NGLY1: variants seen among roughly 807,000 people sequenced by gnomAD.
The protein encoded by NGLY1 is N-glycanase 1, also known as peptide-N(4)-(N-acetyl-beta-glucosaminyl)asparagine amidase.
Under a neutral mutation model 84.6 loss-of-function variants are expected in NGLY1, and 68 were observed. That is an observed-to-expected ratio of 0.80 (90% CI 0.66 to 0.98). NGLY1 has a LOEUF of 0.98. NGLY1 is among the 50% of genes least tolerant of loss of function. The pLI, the probability that NGLY1 is intolerant of heterozygous loss-of-function variation, is 0.00. For synonymous variants in NGLY1, 280 were observed against 275.2 expected, an observed-to-expected ratio of 1.02 and a Z score of -0.17; for missense variants, 779 against 770.2, an observed-to-expected ratio of 1.01 and a Z score of -0.14.
chr3:25,781,874 G>C (rs1354567472), intron 1 of NGLY1, among the ~76,000 whole-genome samples: 1 of 152,210 alleles, frequency 6.6e-6, no homozygotes, highest in African/African-American at 2.4e-5. Context: ...TTTCTGACTA[G>C]TGGGGTTTTA....
At chr3:25,755,182 C>G in intron 3 of NGLY1, 1 of 1,289,068 alleles carries the variant, frequency 7.8e-7, no homozygotes, top group Non-Finnish European at 1.1e-6. Flanking sequence ...CCTCTCTTCC[C>G]CCAAGAGGTT....
chr3:25,778,444 A>C (rs577262327), intron 2 of NGLY1, 130 bp downstream of exon 2: 1 of 489,906 alleles, frequency 2.0e-6, no homozygotes, highest in South Asian at 4.6e-5. Flanking sequence ...TCAATGAAGA[A>C]ATAACTACTT....
chr3:25,758,940 T>C (rs1707173721), intron 3 of NGLY1, among the ~76,000 whole-genome samples: 3 of 152,212 alleles, frequency 2.0e-5, no homozygotes, highest in Non-Finnish European at 4.4e-5. Flanking sequence ...GTTAAAAATG[T>C]AGATTCTAAA....
chr3:25,764,282 T>C lies in NGLY1; in HGVS notation c.276A>G (p.Lys92=). 1 of 1,613,958 alleles carries C rather than the reference T, an allele frequency of 6.2e-7. No homozygotes were observed. The highest frequency in any genetic ancestry group is 8.5e-7 in the Non-Finnish European group (1 of 1,179,944). The change falls in exon 3 of 12, where the codon AAA becomes AAG. Residue 92 remains lysine, a synonymous_variant. Coordinates refer to ENST00000280700, the MANE Select transcript of NGLY1 (RefSeq NM_018297.4). ...TTTTTTGCAGCTGCTCCACTGAAGC[T>C]TTTTTAGGAAAGATGAGATGTGTTT... ...EGETHLIFPK[K]ASVEQLQKIR...
intron 4 of NGLY1, among the ~76,000 whole-genome samples, chr3:25,748,543 C>G (rs1706561205): frequency 6.6e-6 from 1 of 152,170 alleles, no homozygotes; most frequent in Admixed American, 6.5e-5. Context: ...CCAGCTTTTA[C>G]ATGTATTTTT....
At position 25,729,184 on chromosome 3, in the gene NGLY1, G is replaced by A. The variant is rs138477428; in HGVS notation, c.1560C>T (p.Gly520=). The A allele has an allele frequency of 6.4e-4, 995 of 1,548,830 alleles. No homozygotes were observed. Among genetic ancestry groups the A allele is most frequent in the Non-Finnish European group, 8.2e-4 (935 of 1,143,422 alleles). The change falls in exon 10 of 12, where the codon GGC becomes GGT. Residue 520 remains glycine (G), a synonymous_variant. Coordinates refer to ENST00000280700, the MANE Select transcript of NGLY1 (RefSeq NM_018297.4). ...NNQTISGWEN[G]VWKMESIFRK... ...TGAATATAGATTCCATTTTCCACAC[G>A]CCATTCTCCCATCCAGAAATGGTTT...
intron 4 of NGLY1, chr3:25,749,999 AG>A (rs1480055582): frequency 1.8e-6 from 1 of 554,228 alleles, no homozygotes; most frequent in Non-Finnish European, 3.2e-6. Flanking sequence ...TAGATGTACC[AG>A]TTTGTTCTTA....
chr3:25,776,876 C>T (rs2932012), intron 2 of NGLY1, among the ~76,000 whole-genome samples: 103,563 of 152,040 alleles, frequency 0.68, 39,774 homozygotes, highest in East Asian at 0.94. Context: ...TACCTAACAT[C>T]TGTAATGCAC....
At chr3:25,743,640 T>C (rs1223270726) in intron 4 of NGLY1, among the ~76,000 whole-genome samples, 1 of 152,122 alleles carries the variant, frequency 6.6e-6, no homozygotes, top group Non-Finnish European at 1.5e-5. Context: ...CCCCAACACT[T>C]AGTGTTCTGC....
chr3:25,759,929 C>A (rs1363399153), intron 3 of NGLY1, among the ~76,000 whole-genome samples: 9 of 151,460 alleles, frequency 5.9e-5, no homozygotes, highest in African/African-American at 1.2e-4. Flanking sequence ...CACACACACA[C>A]ACACACACAC....
At chr3:25,764,018 T>C (rs1470847984) in intron 3 of NGLY1, 48 bp downstream of exon 3, 2 of 1,601,586 alleles carry the variant, frequency 1.2e-6, no homozygotes. Context: ...TTTTGCTGTT[T>C]CAACACTTTG....
rs2125442877 is a variant in NGLY1, at chr3:25,720,067, C to G, written c.1736G>C (p.Gly579Ala). The change falls in exon 11 of 12, where the codon GGA becomes GCA. Residue 579 changes from glycine (G) to alanine (A), a missense_variant. Physicochemically the swap from Gly to Ala is moderately conservative, Grantham distance 60. Coordinates refer to ENST00000280700, the MANE Select transcript of NGLY1 (RefSeq NM_018297.4). ...AGATCGCAATTTCCATTCTACTGTT[C>G]CAGTCTGAAAAGTTTGACTACTTGT... ...IRTSSQTFQTGTVEWKLRSDT... is the reference protein window; with the variant it reads ...IRTSSQTFQTATVEWKLRSDT... 6.2e-7 allele frequency: 1 copy of G among 1,613,800 alleles called. No individual in the cohort carries two copies. Among genetic ancestry groups the G allele is most frequent in the African/African-American group, 1.3e-5 (1 of 75,008 alleles).
At position 25,719,414 on chromosome 3, in the gene NGLY1, C is replaced by CA. The variant is rs756306243; in HGVS notation, c.*45dup. 6.4e-7 allele frequency: 1 copy of CA among 1,562,318 alleles called. No homozygotes were observed. The highest frequency in any genetic ancestry group is 8.8e-7 in the Non-Finnish European group (1 of 1,138,066). ...CATGCACTGAACCAACAGACTACTT[C>CA]AGTAAGTCCTTGATTATTGCCAGCT... is the stretch of plus-strand genomic sequence containing the variant. On this transcript the variant is annotated 3_prime_UTR_variant, in exon 12 of 12. Transcript: ENST00000280700.
intron 3 of NGLY1, 58 bp from the exon 4 acceptor site, chr3:25,751,321 T>C: frequency 7.5e-7 from 1 of 1,337,158 alleles, no homozygotes; most frequent in Non-Finnish European, 9.8e-7. Flanking sequence ...AAAAATAATA[T>C]ATAATAAAAA....
chr3:25,732,505 A>G, intron 8 of NGLY1, 22 bp from the exon 9 acceptor site: 1 of 1,602,796 alleles, frequency 6.2e-7, no homozygotes, highest in Admixed American at 1.7e-5. Context: ...GTTTTTTAAA[A>G]AAGTTGTTAA....
intron 4 of NGLY1, 111 bp downstream of exon 4, chr3:25,750,987 G>A: frequency 1.9e-6 from 2 of 1,033,286 alleles, no homozygotes; most frequent in East Asian, 2.6e-5. Flanking sequence ...CATATAAGTG[G>A]ACCCATGCAG....
intron 3 of NGLY1, among the ~76,000 whole-genome samples, chr3:25,759,925 C>A (rs905505193): frequency 0.017 from 2,516 of 149,348 alleles, 70 homozygotes; most frequent in African/African-American, 0.056. Context: ...AAAACACACA[C>A]ACACACACAC....
intron 1 of NGLY1, among the ~76,000 whole-genome samples, chr3:25,779,343 CAT>C (rs1291986367): frequency 6.6e-6 from 1 of 152,062 alleles, no homozygotes; most frequent in Non-Finnish European, 1.5e-5. Flanking sequence ...GTAACCAGCA[CAT>C]GAAAAGTTTT....
At chr3:25,780,152 T>C (rs533473737) in intron 1 of NGLY1, among the ~76,000 whole-genome samples, 1 of 152,316 alleles carries the variant, frequency 6.6e-6, no homozygotes, top group Non-Finnish European at 1.5e-5. Flanking sequence ...GGTTGTGAAA[T>C]ACAAAGAAAA....
Sources: allele counts gnomAD v4.1 joint callset (sites outside exome capture counted in the v4.1 genomes callset), GRCh38; gene constraint gnomAD v4.1.1; transcripts MANE v1.5; gene names NCBI Gene and HGNC (gene_info 2026-07-23, HGNC 2026-07-21).